Variants in NEBL observed in about 807,000 individuals in gnomAD.
The protein encoded by NEBL is LIM and SH3 protein 2.
A neutral mutation model predicts 140.2 loss-of-function variants in NEBL; 122 were observed. That is an observed-to-expected ratio of 0.87 (90% CI 0.75 to 1.01). The LOEUF (loss-of-function observed/expected upper bound fraction) is 1.01. NEBL is among the 50% of genes least tolerant of loss of function. The probability of loss-of-function intolerance (pLI) is 0.00; values close to 1 mark genes in which losing one functional copy is unlikely to be tolerated. For missense variants in NEBL, 1,365 were observed against 1,231.3 expected, an observed-to-expected ratio of 1.11 and a Z score of -1.62; for synonymous variants, 436 against 398.9, an observed-to-expected ratio of 1.09 and a Z score of -1.11.
chr10:21,217,804 G>C (rs2132241960), intron 3 of NEBL: 1 of 152,174 alleles, frequency 6.6e-6, no homozygotes, highest in South Asian at 2.1e-4. Flanking sequence ...TTTTGGCTTG[G>C]CACAAAGATG....
intron 2 of NEBL, among the ~76,000 whole-genome samples, chr10:21,166,547 T>C (rs561008738): frequency 6.6e-6 from 1 of 152,300 alleles, no homozygotes; most frequent in South Asian, 2.1e-4. Flanking sequence ...AAAGTACCAA[T>C]GAGGAAAGAC....
upstream of NEBL, among the ~76,000 whole-genome samples, chr10:20,897,769 C>G (rs1363413803): frequency 6.6e-6 from 1 of 152,178 alleles, no homozygotes; most frequent in Non-Finnish European, 1.5e-5. Context: ...CAGTACTTCT[C>G]ACATCCTAAA....
chr10:21,273,518 T>G (rs931632534), intron 1 of NEBL, among the ~76,000 whole-genome samples: 9 of 152,304 alleles, frequency 5.9e-5, no homozygotes, highest in Admixed American at 1.3e-4. Context: ...AGATCCAATT[T>G]GTGAGGCTGT....
At chr10:20,923,768 T>C (rs1198273365) in intron 4 of NEBL, among the ~76,000 whole-genome samples, 1 of 149,970 alleles carries the variant, frequency 6.7e-6, no homozygotes, top group Non-Finnish European at 1.5e-5. Context: ...CTGTCAAGCC[T>C]GCACTTCATC....
chr10:20,897,417 CA>C (rs1455147173), upstream of NEBL: 9 of 1,307,926 alleles, frequency 6.9e-6, no homozygotes, highest in Non-Finnish European at 8.7e-6. Context: ...GCTGGCCTCA[CA>C]AGTGGAAATA....
chr10:20,789,502 G>A (rs962457702), intron 26 of NEBL, among the ~76,000 whole-genome samples: 1 of 152,174 alleles, frequency 6.6e-6, no homozygotes, highest in Non-Finnish European at 1.5e-5. Flanking sequence ...TGCCTGTTAA[G>A]TGCTGACAAT....
chr10:21,056,692 A>G (rs1002716130), intron 2 of NEBL, among the ~76,000 whole-genome samples: 2 of 152,262 alleles, frequency 1.3e-5, no homozygotes, highest in African/African-American at 4.8e-5. Context: ...ACAACAGTGA[A>G]ATTGACAGCA....
At chr10:21,027,404 C>G (rs187614210) in intron 2 of NEBL, among the ~76,000 whole-genome samples, 1 of 151,664 alleles carries the variant, frequency 6.6e-6, no homozygotes, top group South Asian at 2.1e-4. Flanking sequence ...CACACATCAC[C>G]GCAGCCTCGA....
At position 20,780,774 on chromosome 10, in the gene NEBL, C is replaced by G. The variant is rs1834981997; in HGVS notation, c.*4973G>C. The G allele has an allele frequency of 6.6e-6, 1 of 152,190 alleles. No individual in the cohort carries two copies. Among genetic ancestry groups the G allele is most frequent in the Admixed American group, 6.5e-5 (1 of 15,280 alleles). 9.4% of individuals were successfully genotyped at this position (152,190 alleles called of 1,614,324 possible). On this transcript the variant is annotated 3_prime_UTR_variant, in exon 28 of 28. Coordinates refer to ENST00000377122, the MANE Select transcript of NEBL (RefSeq NM_006393.3). ...AGAGAGTGCATTTGAGAACGCAGTT[C>G]TATCATAGGAGACCACTTGCAGGGA...
chr10:21,260,985 C>A (rs1311114549), intron 1 of NEBL, among the ~76,000 whole-genome samples: 1 of 149,820 alleles, frequency 6.7e-6, no homozygotes, highest in Non-Finnish European at 1.5e-5. Context: ...GAAGCATTTC[C>A]ATTTCAGTCA....
chr10:20,878,946 G>A (rs772519878), intron 5 of NEBL, among the ~76,000 whole-genome samples: 2 of 152,116 alleles, frequency 1.3e-5, no homozygotes, highest in Middle Eastern at 3.2e-3. Flanking sequence ...TTATAGAGTT[G>A]GAAAGAGCCT....
intron 22 of NEBL, among the ~76,000 whole-genome samples, chr10:20,814,333 T>G (rs748963121): frequency 6.6e-6 from 1 of 151,792 alleles, no homozygotes; most frequent in Non-Finnish European, 1.5e-5. Context: ...CGAGGACTCG[T>G]ATCTGTAATC....
intron 3 of NEBL, among the ~76,000 whole-genome samples, chr10:21,206,565 C>A (rs185656404): frequency 6.6e-6 from 1 of 152,272 alleles, no homozygotes; most frequent in Non-Finnish European, 1.5e-5. Flanking sequence ...ATTGCCTGCC[C>A]ATTGCTTATG....
chr10:21,262,146 G>A (rs534138298), intron 1 of NEBL, among the ~76,000 whole-genome samples: 4 of 152,154 alleles, frequency 2.6e-5, no homozygotes, highest in African/African-American at 2.4e-5. Flanking sequence ...GGCAAATTGC[G>A]AGGGCCTCGA....
intron 26 of NEBL, among the ~76,000 whole-genome samples, chr10:20,794,800 T>C (rs1217659137): frequency 1.3e-5 from 2 of 152,212 alleles, no homozygotes; most frequent in Non-Finnish European, 2.9e-5. Flanking sequence ...CTTAAAGTTC[T>C]GCTTTTCAGG....
rs756186483 is a variant in NEBL, at chr10:21,074,315, AG to A, written c.165-54115del. ...TTAAGTCTCTTTAGATCTAGGCTTCAGGAGGCTGAAAGTTCATCACAGGCAG... is the reference window on the plus strand; with the variant it reads ...TTAAGTCTCTTTAGATCTAGGCTTCAGAGGCTGAAAGTTCATCACAGGCAG... On this transcript the variant is annotated intron_variant, in intron 2 of 6. Coordinates refer to the NEBL transcript ENST00000417816. 1.9e-3 allele frequency among the ~76,000 whole-genome samples: 283 copies of A among 152,216 alleles called. 1 individual carries two copies. The highest frequency in any genetic ancestry group is 3.4e-3 in the Middle Eastern group (1 of 294).
intron 2 of NEBL, among the ~76,000 whole-genome samples, chr10:21,046,371 T>C (rs201724074): frequency 6.6e-6 from 1 of 152,224 alleles, no homozygotes; most frequent in African/African-American, 2.4e-5. Context: ...AAATAGATTT[T>C]GTAGTGTTAT....
intron 26 of NEBL, among the ~76,000 whole-genome samples, chr10:20,795,521 A>G (rs1420824625): frequency 6.6e-6 from 1 of 152,032 alleles, no homozygotes; most frequent in African/African-American, 2.4e-5. Context: ...TCATTTTAGC[A>G]TCTGACAAGT....
chr10:20,952,642 C>T (rs894298256), intron 4 of NEBL, among the ~76,000 whole-genome samples: 2 of 151,830 alleles, frequency 1.3e-5, no homozygotes, highest in South Asian at 2.1e-4. Flanking sequence ...CAGTGGCTCA[C>T]GCCTGTAATC....
Sources: gnomAD v4.1 joint callset for allele counts (sites outside exome capture counted in the v4.1 genomes callset) on GRCh38, gnomAD v4.1.1 for gene constraint, MANE v1.5 for transcripts, NCBI Gene and HGNC (gene_info 2026-07-23, HGNC 2026-07-21) for gene names.